Variants in CCNA1 observed in about 807,000 individuals in gnomAD.
CCNA1 encodes cyclin A1, also known as cyclin-A1.
Under a neutral mutation model 54.1 loss-of-function variants are expected in CCNA1, and 23 were observed. The ratio of observed to expected loss-of-function variants is 0.42; its 90% CI spans 0.31 to 0.60. The LOEUF (loss-of-function observed/expected upper bound fraction) is 0.60, where lower values mean the gene tolerates loss of function less well. Ranked by LOEUF, CCNA1 falls within the 20% of genes least tolerant of loss-of-function variation. The pLI, the probability that CCNA1 is intolerant of heterozygous loss-of-function variation, is 0.14. For synonymous variants in CCNA1, 208 were observed against 213.9 expected, an observed-to-expected ratio of 0.97 and a Z score of 0.24; for missense variants, 450 against 556.7, an observed-to-expected ratio of 0.81 and a Z score of 1.93.
intron 2 of CCNA1, among the ~76,000 whole-genome samples, chr13:36,435,992 T>C (rs1344105363): frequency 6.6e-6 from 1 of 152,220 alleles, no homozygotes; most frequent in African/African-American, 2.4e-5. Context: ...AAAATATTAT[T>C]AACTCTACTT....
chr13:36,442,588 T>C (rs1419551011), intron 8 of CCNA1, 26 bp from the exon 9 acceptor site: 4 of 1,613,000 alleles, frequency 2.5e-6, no homozygotes, highest in Non-Finnish European at 3.4e-6. Flanking sequence ...TGGCTTGTGC[T>C]GACCTTGCTT....
chr13:36,433,372 TTCTTTC>T (rs1470257766), intron 2 of CCNA1, 151 bp downstream of exon 2: 1,420 of 79,418 alleles, frequency 0.018, 86 homozygotes, highest in African/African-American at 0.074. Context: ...TTGATTTATT[TTCTTTC>T]TTTCTTTCTT....
intron 4 of CCNA1, among the ~76,000 whole-genome samples, 170 bp from the exon 5 acceptor site, chr13:36,438,474 C>T (rs1305463581): frequency 1.3e-5 from 2 of 151,694 alleles, no homozygotes; most frequent in Non-Finnish European, 1.5e-5. Context: ...TAACCAATTA[C>T]TTTACAGAAC....
chr13:36,442,054 T>C, intron 7 of CCNA1, 117 bp from the exon 8 acceptor site: 1 of 727,098 alleles, frequency 1.4e-6, no homozygotes, highest in Non-Finnish European at 2.2e-6. Context: ...TTCTGGTCTC[T>C]TTCGAGATGA....
At position 36,432,632 on chromosome 13, in the gene CCNA1, G is replaced by A. The variant is rs757517822; in HGVS notation, c.11G>A (p.Gly4Asp). The change falls in exon 1 of 9, where the codon GGC (glycine) becomes GAC (aspartate). Residue 4 changes from glycine to aspartate, a missense_variant. Around this residue, in one of 6 missense-constraint regions of CCNA1, gnomAD observed 103 missense variants for 100.9 expected, o/e 1.02. Coordinates refer to ENST00000255465, the MANE Select transcript of CCNA1 (RefSeq NM_003914.4). ...TGCTCGTCACTTGGGATGGAGACCG[G>A]CTTTCCCGCAATCATGTACCCTGGA... The A allele has an allele frequency of 1.3e-6, 2 of 1,594,532 alleles. No homozygotes were observed. The highest frequency in any genetic ancestry group is 1.7e-6 in the Non-Finnish European group (2 of 1,171,348).
chr13:36,442,399 T>G, intron 8 of CCNA1, 95 bp downstream of exon 8: 1 of 1,391,036 alleles, frequency 7.2e-7, no homozygotes, highest in Non-Finnish European at 1.0e-6. Flanking sequence ...AAATTGTGTA[T>G]CTGGTGCCAG....
Position 36,441,290 on chromosome 13 carries a change from C to T in CCNA1, c.1212+59C>T. ...AGGTCTATCTAGAATGGGCTTGCCT[C>T]TTATGAGGGCAAGTTAGTTTAATAA... On this transcript the variant is annotated intron_variant, in intron 7 of 8. Coordinates refer to ENST00000255465, the MANE Select transcript of CCNA1 (RefSeq NM_003914.4). 9 of 971,506 alleles carry T rather than the reference C, an allele frequency of 9.3e-6. No individual in the cohort carries two copies. In the South Asian group the frequency reaches 1.2e-4, roughly 13 times the overall value. The allele number at this position is 971,506 out of a possible 1,614,324, so 60.2% of individuals were successfully genotyped here.
intron 2 of CCNA1, 149 bp downstream of exon 2, chr13:36,433,370 T>TTTTTTCTTTC (rs1555269873): frequency 3.2e-6 from 1 of 312,966 alleles, no homozygotes; most frequent in African/African-American, 2.7e-5. Flanking sequence ...GATTGATTTA[T>TTTTTTCTTTC]TTTCTTTCTT....
chr13:36,441,243 A>C lies in CCNA1; in HGVS notation c.1212+12A>C. On this transcript the variant is annotated intron_variant, in intron 7 of 8. Transcript: ENST00000255465. Reference sequence around the variant, plus strand: ...ACAAGCACTTTTGGGTAAGATTCTAACTTCTTTCTAGATGAAATTCAAGGT... The same window carrying C: ...ACAAGCACTTTTGGGTAAGATTCTACCTTCTTTCTAGATGAAATTCAAGGT... 1 of 1,494,316 alleles carries C rather than the reference A, an allele frequency of 6.7e-7. No individual in the cohort carries two copies. 92.6% of individuals were successfully genotyped at this position (1,494,316 alleles called of 1,614,324 possible).
At chr13:36,440,442 A>T (rs983314432) in intron 6 of CCNA1, among the ~76,000 whole-genome samples, 2 of 152,202 alleles carry the variant, frequency 1.3e-5, no homozygotes, top group Non-Finnish European at 2.9e-5. Context: ...CTGTTCTCTT[A>T]TTGGATACAG....
At chr13:36,431,647 C>T (rs1162859286), upstream of CCNA1, 1 of 152,378 alleles carries the variant, frequency 6.6e-6, no homozygotes, top group East Asian at 1.9e-4. Flanking sequence ...GCCTCGCAGG[C>T]CACATGCACC....
At chr13:36,439,865 T>A (rs2055853603) in intron 5 of CCNA1, 114 bp from the exon 6 acceptor site, 1 of 651,674 alleles carries the variant, frequency 1.5e-6, no homozygotes, top group Non-Finnish European at 2.7e-6. Context: ...TTTAAGTGGA[T>A]ATGTGGCTGC....
At position 36,442,598 on chromosome 13, in the gene CCNA1, T is replaced by C. The variant is rs1354556447; in HGVS notation, c.1347-16T>C. On this transcript the variant is annotated splice_polypyrimidine_tract_variant and intron_variant, in intron 8 of 8. Transcript: ENST00000255465. Reference sequence around the variant, plus strand: ...GTCCTTGGCTTGTGCTGACCTTGCTTTGGGTCTTGTTTCAGGTACCTGTGT... The same window carrying C: ...GTCCTTGGCTTGTGCTGACCTTGCTCTGGGTCTTGTTTCAGGTACCTGTGT... 2 of 1,613,784 alleles carry C rather than the reference T, an allele frequency of 1.2e-6. No individual in the cohort carries two copies. Among genetic ancestry groups the C allele is most frequent in the Admixed American group, 1.7e-5 (1 of 60,006 alleles).
chr13:36,441,565 A>G (rs1260012744), intron 7 of CCNA1, among the ~76,000 whole-genome samples: 3 of 152,142 alleles, frequency 2.0e-5, no homozygotes, highest in East Asian at 3.9e-4. Flanking sequence ...TTCTATATTA[A>G]AAACAAAAAC....
In CCNA1 at chr13:36,438,171, C is replaced by A; in HGVS notation, c.649C>A (p.Gln217Lys). The stretch of plus-strand genomic sequence containing the variant: ...GACTGAATATGCTGAAGAAATTTAT[C>A]AGTACCTTAGGGAAGCTGAAGTAAG... Residue 217 changes from glutamine to lysine, a missense_variant, in exon 4 of 9, where the codon CAG becomes AAG. By Grantham distance (53) the Gln-to-Lys change is moderately conservative. Around this residue, in one of 6 missense-constraint regions of CCNA1, gnomAD observed 150 missense variants for 219.7 expected, o/e 0.68. Coordinates refer to ENST00000255465, the MANE Select transcript of CCNA1 (RefSeq NM_003914.4). 1.2e-6 allele frequency: 2 copies of A among 1,613,528 alleles called. No individual in the cohort carries two copies. The highest frequency in any genetic ancestry group is 1.1e-5 in the South Asian group (1 of 90,958).
chr13:36,433,248 A>T, intron 2 of CCNA1, 27 bp downstream of exon 2: 1 of 1,577,258 alleles, frequency 6.3e-7, no homozygotes, highest in Non-Finnish European at 8.6e-7. Context: ...ATTGAGAATG[A>T]TGCTTGTGGA....
intron 1 of CCNA1, 115 bp from the exon 2 acceptor site, chr13:36,432,918 A>T: frequency 9.4e-7 from 1 of 1,061,314 alleles, no homozygotes; most frequent in Non-Finnish European, 1.4e-6. Context: ...GAAGATCAGC[A>T]ATTGGTGTTA....
intron 5 of CCNA1, among the ~76,000 whole-genome samples, 166 bp downstream of exon 5, chr13:36,439,033 A>G (rs1470877541): frequency 6.6e-6 from 1 of 152,170 alleles, no homozygotes; most frequent in African/African-American, 2.4e-5. Flanking sequence ...AGAAACTGAA[A>G]CTTACCACAT....
At chr13:36,442,442 C>G in intron 8 of CCNA1, 138 bp downstream of exon 8, 1 of 1,135,816 alleles carries the variant, frequency 8.8e-7, no homozygotes. Context: ...TACAAATTTA[C>G]AAATAAATTT....
Sources: gnomAD v4.1 joint callset for allele counts (sites outside exome capture counted in the v4.1 genomes callset) on GRCh38, gnomAD v4.1.1 for gene constraint, gnomAD v4.1.1 regional missense constraint, MANE v1.5 for transcripts, NCBI Gene and HGNC (gene_info 2026-07-23, HGNC 2026-07-21) for gene names.